The following BCL2L13 variants were observed in gnomAD, a reference collection of about 807,000 sequenced individuals.
BCL2L13 encodes bcl-2-like protein 13.
Under a neutral mutation model 25.8 loss-of-function variants are expected in BCL2L13, and 13 were observed. The ratio of observed to expected loss-of-function variants is 0.50; its 90% CI spans 0.33 to 0.80. BCL2L13 has a LOEUF of 0.80. Among genes scored for constraint, BCL2L13 ranks in the 30% least tolerant of loss-of-function variants. BCL2L13 has a pLI of 0.02. For missense variants in BCL2L13, 504 were observed against 574.9 expected (o/e 0.88, Z 1.26); for synonymous variants, 244 against 230.3 (o/e 1.06, Z -0.54).
chr22:17,655,604 A>C lies in BCL2L13; in HGVS notation c.-50-58A>C. The C allele has an allele frequency of 1.1e-5, 15 of 1,371,054 alleles. No individual in the cohort carries two copies. The South Asian group carries it at 2.1e-4, about 19-fold the overall frequency. The allele number at this position is 1,371,054 out of a possible 1,614,324, so 84.9% of individuals were successfully genotyped here. On this transcript the variant is annotated intron_variant, in intron 1 of 6. Coordinates refer to ENST00000317582, the MANE Select transcript of BCL2L13 (RefSeq NM_015367.4). ...GCACAAGACATTTTGGTGTGAAACAACTGTTAAAGTGGCATGTAATAAACT... is the reference window on the plus strand; with the variant it reads ...GCACAAGACATTTTGGTGTGAAACACCTGTTAAAGTGGCATGTAATAAACT...
At chr22:17,681,701 C>T (rs575979537) in intron 2 of BCL2L13, among the ~76,000 whole-genome samples, 2 of 152,072 alleles carry the variant, frequency 1.3e-5, no homozygotes, top group Non-Finnish European at 2.9e-5. Flanking sequence ...TGATCACTGT[C>T]ATAGAGGCAG....
chr22:17,632,011 C>T (rs1378880247), intron 1 of BCL2L13, among the ~76,000 whole-genome samples: 1 of 151,984 alleles, frequency 6.6e-6, no homozygotes, highest in Non-Finnish European at 1.5e-5. Context: ...TGAGCCACGG[C>T]GCCTGGCCGG....
At chr22:17,685,016 T>G (rs990931651) in intron 3 of BCL2L13, among the ~76,000 whole-genome samples, 1 of 152,110 alleles carries the variant, frequency 6.6e-6, no homozygotes. Context: ...ATTACAGGCA[T>G]GAGCCACCAC....
upstream of BCL2L13, among the ~76,000 whole-genome samples, chr22:17,634,173 CT>C (rs993226789): frequency 6.6e-6 from 1 of 151,880 alleles, no homozygotes; most frequent in Non-Finnish European, 1.5e-5. Flanking sequence ...ATGCCACCAC[CT>C]TTTTTTTGTT....
At chr22:17,629,963 A>G (rs2057971936) in intron 1 of BCL2L13, among the ~76,000 whole-genome samples, 1 of 152,066 alleles carries the variant, frequency 6.6e-6, no homozygotes, top group South Asian at 2.1e-4. Context: ...TCACGCCTGT[A>G]ATCCCACCAC....
chr22:17,650,443 T>C (rs559343661), intron 1 of BCL2L13, among the ~76,000 whole-genome samples: 1 of 152,228 alleles, frequency 6.6e-6, no homozygotes, highest in African/African-American at 2.4e-5. Flanking sequence ...TTATTAAAAA[T>C]AAGGTAAATA....
intron 1 of BCL2L13, among the ~76,000 whole-genome samples, chr22:17,646,525 A>C (rs531682271): frequency 6.6e-6 from 1 of 151,156 alleles, no homozygotes; most frequent in Non-Finnish European, 1.5e-5. Flanking sequence ...CTGGGATTAC[A>C]GGCATGAGCC....
At chr22:17,708,431 T>C (rs1424595287) in intron 6 of BCL2L13, among the ~76,000 whole-genome samples, 1 of 152,208 alleles carries the variant, frequency 6.6e-6, no homozygotes, top group Non-Finnish European at 1.5e-5. Flanking sequence ...TCTTTACTTG[T>C]TTTGGTATCC....
intron 1 of BCL2L13, among the ~76,000 whole-genome samples, chr22:17,640,366 CTTTTT>C (rs1346666106): frequency 6.6e-6 from 1 of 152,000 alleles, no homozygotes; most frequent in East Asian, 1.9e-4. Flanking sequence ...GTTGGATTCA[CTTTTT>C]ATTTTATTTT....
intron 3 of BCL2L13, chr22:17,684,837 A>G (rs974230382): frequency 1.8e-5 from 6 of 326,764 alleles, no homozygotes; most frequent in African/African-American, 1.4e-4. Context: ...GGTTCAGGCC[A>G]TTCTCCTGCC....
intron 1 of BCL2L13, among the ~76,000 whole-genome samples, chr22:17,629,205 AG>A (rs1209010845): frequency 1.3e-5 from 2 of 152,054 alleles, no homozygotes; most frequent in African/African-American, 4.8e-5. Context: ...CTCTACCAAA[AG>A]AAAAAAAAAA....
At chr22:17,629,770 CA>C (rs2057965760) in intron 1 of BCL2L13, among the ~76,000 whole-genome samples, 3 of 151,698 alleles carry the variant, frequency 2.0e-5, no homozygotes, top group Admixed American at 2.0e-4. Context: ...CACCTAGATT[CA>C]ACAATTGTTA....
At chr22:17,646,680 CCT>C (rs2058483540) in intron 1 of BCL2L13, among the ~76,000 whole-genome samples, 1 of 148,688 alleles carries the variant, frequency 6.7e-6, no homozygotes, top group Non-Finnish European at 1.5e-5. Context: ...ACTATATGTC[CCT>C]CTCATCATTT....
intron 5 of BCL2L13, among the ~76,000 whole-genome samples, chr22:17,701,011 TGCAG>T (rs2060416640): frequency 6.6e-6 from 1 of 152,222 alleles, no homozygotes; most frequent in South Asian, 2.1e-4. Flanking sequence ...GCATTCCTTT[TGCAG>T]GCATATGGAC....
intron 1 of BCL2L13, among the ~76,000 whole-genome samples, chr22:17,646,946 TATA>T (rs1568923639): frequency 1.1e-4 from 4 of 34,996 alleles, no homozygotes; most frequent in African/African-American, 4.8e-4. Context: ...TATATATATA[TATA>T]TATATATTTT....
At chr22:17,659,278 T>G (rs1278889102) in intron 2 of BCL2L13, among the ~76,000 whole-genome samples, 1 of 142,064 alleles carries the variant, frequency 7.0e-6, no homozygotes, top group African/African-American at 2.5e-5. Context: ...GTGGCAGAAT[T>G]GCTTGAACCT....
intron 2 of BCL2L13, among the ~76,000 whole-genome samples, 158 bp from the exon 3 acceptor site, chr22:17,683,056 C>T (rs1405366067): frequency 6.6e-6 from 1 of 151,488 alleles, no homozygotes; most frequent in African/African-American, 2.4e-5. Flanking sequence ...TCGCTTGAAC[C>T]TAGGAGGCAG....
intron 1 of BCL2L13, among the ~76,000 whole-genome samples, chr22:17,641,216 A>G (rs555575936): frequency 1.3e-5 from 2 of 152,302 alleles, no homozygotes; most frequent in African/African-American, 4.8e-5. Flanking sequence ...TTATTGTGAA[A>G]TACTTCAGGC....
At chr22:17,635,894 A>G (rs2058095818), upstream of BCL2L13, among the ~76,000 whole-genome samples, 1 of 151,472 alleles carries the variant, frequency 6.6e-6, no homozygotes, top group Non-Finnish European at 1.5e-5. Context: ...TATTTTTAGT[A>G]GAGACGGGGT....
Sources: gnomAD v4.1 joint callset for allele counts (sites outside exome capture counted in the v4.1 genomes callset) on GRCh38, gnomAD v4.1.1 for gene constraint, MANE v1.5 for transcripts, NCBI Gene and HGNC (gene_info 2026-07-23, HGNC 2026-07-21) for gene names.